Variants in GNAL observed in about 807,000 individuals in gnomAD.
The protein encoded by GNAL is G protein subunit alpha L.
A neutral mutation model predicts 55.1 loss-of-function variants in GNAL; 18 were observed. The observed-to-expected ratio is 0.33, with a 90% CI of 0.23 to 0.48. The LOEUF is 0.48. Ranked by LOEUF, GNAL falls within the 20% of genes least tolerant of loss-of-function variation. The pLI is 0.99. For synonymous variants in GNAL, 253 were observed against 237.0 expected, an observed-to-expected ratio of 1.07 and a Z score of -0.62; for missense variants, 412 against 614.1, an observed-to-expected ratio of 0.67 and a Z score of 3.48.
intron 1 of GNAL, among the ~76,000 whole-genome samples, chr18:11,710,329 T>C (rs376728421): frequency 4.6e-5 from 7 of 152,252 alleles, no homozygotes; most frequent in African/African-American, 1.7e-4. Flanking sequence ...CTTTATGTTA[T>C]TGATGACGCA....
At chr18:11,870,871 G>T (rs1299692396) in intron 9 of GNAL, among the ~76,000 whole-genome samples, 1 of 152,156 alleles carries the variant, frequency 6.6e-6, no homozygotes, top group Non-Finnish European at 1.5e-5. Context: ...CCTCAAATTT[G>T]TGGTAATAAG....
intron 4 of GNAL, among the ~76,000 whole-genome samples, chr18:11,800,708 C>T (rs1218760224): frequency 2.0e-5 from 3 of 152,168 alleles, no homozygotes; most frequent in Non-Finnish European, 4.4e-5. Context: ...CTGGGAGACT[C>T]GTGGGGCTGT....
At chr18:11,836,968 T>C (rs1381835875) in intron 5 of GNAL, among the ~76,000 whole-genome samples, 1 of 152,180 alleles carries the variant, frequency 6.6e-6, no homozygotes, top group Admixed American at 6.5e-5. Context: ...GATAGCTTTT[T>C]CTTGAGATGG....
intron 1 of GNAL, among the ~76,000 whole-genome samples, chr18:11,728,986 A>G (rs184266780): frequency 6.6e-6 from 1 of 152,196 alleles, no homozygotes; most frequent in African/African-American, 2.4e-5. Flanking sequence ...AGTACTGGTT[A>G]GTAGATAAAG....
In GNAL at chr18:11,718,565, C is replaced by T. The variant is rs140599922; in HGVS notation, c.376+28626C>T. ...TTTATAAAATCATTCACAGATTGAT[C>T]TCTTATAGCCAAAAAATCAAAGCTG... is the stretch of plus-strand genomic sequence containing the variant. On this transcript the variant is annotated intron_variant, in intron 1 of 11. Transcript: ENST00000334049. Among the ~76,000 whole-genome samples the T allele has an allele frequency of 2.1e-3, 317 of 152,252 alleles. 2 individuals are homozygous for T. The highest frequency in any genetic ancestry group is 7.0e-3 in the African/African-American group (289 of 41,552).
chr18:11,852,090 C>T (rs776634903), intron 5 of GNAL: 3 of 1,604,950 alleles, frequency 1.9e-6, no homozygotes, highest in Non-Finnish European at 1.7e-6. Context: ...AGAGACTGGC[C>T]CGCCTTCGGG....
intron 4 of GNAL, among the ~76,000 whole-genome samples, chr18:11,785,044 A>G (rs2034019594): frequency 6.6e-6 from 1 of 152,220 alleles, no homozygotes; most frequent in Admixed American, 6.5e-5. Flanking sequence ...TAGTTTCTGC[A>G]AAGTCTGGAA....
chr18:11,722,120 T>A (rs1288963035), intron 1 of GNAL, among the ~76,000 whole-genome samples: 1 of 152,160 alleles, frequency 6.6e-6, no homozygotes, highest in African/African-American at 2.4e-5. Flanking sequence ...CAAATAATGT[T>A]GTTCCCAACA....
chr18:11,769,947 G>A (rs548088147), intron 4 of GNAL, among the ~76,000 whole-genome samples: 48 of 152,232 alleles, frequency 3.2e-4, no homozygotes, highest in African/African-American at 1.2e-3. Flanking sequence ...ATGGGATATG[G>A]CAGTGTTGTT....
At chr18:11,739,613 A>G (rs1429673123) in intron 1 of GNAL, among the ~76,000 whole-genome samples, 1 of 150,678 alleles carries the variant, frequency 6.6e-6, no homozygotes, top group Non-Finnish European at 1.5e-5. Flanking sequence ...TGACATTGGC[A>G]TTAGTGAAGA....
At chr18:11,716,556 G>T (rs2031970785) in intron 1 of GNAL, among the ~76,000 whole-genome samples, 1 of 152,194 alleles carries the variant, frequency 6.6e-6, no homozygotes, top group Non-Finnish European at 1.5e-5. Context: ...ACATCCTGCT[G>T]ATTGGTAGAG....
chr18:11,734,997 C>T (rs530036997), intron 1 of GNAL, among the ~76,000 whole-genome samples: 11 of 147,922 alleles, frequency 7.4e-5, no homozygotes, highest in African/African-American at 2.3e-4. Context: ...ACAGGGAAAA[C>T]GCCAGGCCGA....
chr18:11,750,530 G>A (rs2032793076), intron 1 of GNAL, among the ~76,000 whole-genome samples: 1 of 152,178 alleles, frequency 6.6e-6, no homozygotes, highest in African/African-American at 2.4e-5. Context: ...ACCGGCCAGA[G>A]GGACAGCCTG....
chr18:11,838,822 G>C (rs2035551784), intron 5 of GNAL, among the ~76,000 whole-genome samples: 1 of 152,054 alleles, frequency 6.6e-6, no homozygotes, highest in South Asian at 2.1e-4. Flanking sequence ...AAATAGAAAA[G>C]CAAAAAATAC....
intron 4 of GNAL, among the ~76,000 whole-genome samples, chr18:11,767,322 A>G (rs57432924): frequency 0.14 from 20,796 of 150,802 alleles, 3,061 homozygotes; most frequent in African/African-American, 0.38. Context: ...TTACACTTGC[A>G]TGCTTACTCT....
At chr18:11,816,581 A>G (rs1341520580) in intron 4 of GNAL, among the ~76,000 whole-genome samples, 2 of 152,098 alleles carry the variant, frequency 1.3e-5, no homozygotes, top group African/African-American at 2.4e-5. Context: ...GGCATGAGCC[A>G]CCGTACCCGG....
At chr18:11,838,189 G>GA (rs1461809932) in intron 5 of GNAL, among the ~76,000 whole-genome samples, 1 of 152,130 alleles carries the variant, frequency 6.6e-6, no homozygotes, top group Non-Finnish European at 1.5e-5. Context: ...AACAAAATGT[G>GA]ACGCATCCAC....
At chr18:11,756,385 A>G (rs1007643358) in intron 4 of GNAL, among the ~76,000 whole-genome samples, 2 of 152,234 alleles carry the variant, frequency 1.3e-5, no homozygotes, top group African/African-American at 2.4e-5. Context: ...ATTTAGCACC[A>G]GCAGATGCAA....
At chr18:11,714,428 C>T (rs903243452) in intron 1 of GNAL, among the ~76,000 whole-genome samples, 1 of 152,124 alleles carries the variant, frequency 6.6e-6, no homozygotes, top group Non-Finnish European at 1.5e-5. Context: ...CTTTGCTGAG[C>T]GCTCGCTGAA....
Sources: gnomAD v4.1 joint callset for allele counts (sites outside exome capture counted in the v4.1 genomes callset) on GRCh38, gnomAD v4.1.1 for gene constraint, MANE v1.5 for transcripts, NCBI Gene and HGNC (gene_info 2026-07-23, HGNC 2026-07-21) for gene names.